Variants in EML2 observed in about 807,000 individuals in gnomAD.
EML2 encodes echinoderm microtubule-associated protein-like 2.
Under a neutral mutation model 84.7 loss-of-function variants are expected in EML2, and 59 were observed. That is an observed-to-expected ratio of 0.70 (90% CI 0.56 to 0.86). EML2 has a LOEUF of 0.86. Ranked by LOEUF, EML2 falls within the 40% of genes least tolerant of loss-of-function variation. EML2 has a pLI of 0.00. For missense variants in EML2, 818 were observed against 855.6 expected (o/e 0.96, Z 0.55); for synonymous variants, 352 against 348.9 (o/e 1.01, Z -0.10).
At chr19:45,609,849 G>A in intron 18 of EML2, 61 bp from the exon 19 acceptor site, 1 of 1,574,406 alleles carries the variant, frequency 6.4e-7, no homozygotes. Flanking sequence ...CCCCATCATG[G>A]TCCTCTTGTC....
intron 7 of EML2, among the ~76,000 whole-genome samples, chr19:45,627,560 C>A (rs1229223267): frequency 6.6e-6 from 1 of 152,100 alleles, no homozygotes; most frequent in South Asian, 2.1e-4. Context: ...TGGCCAGTAC[C>A]TTTCCTATAC....
In EML2 at chr19:45,621,529, C is replaced by T. The variant is rs758524341; in HGVS notation, c.950G>A (p.Arg317Gln). Reference protein sequence around the residue: ...TLVSGGGRDRRVVLWGSDYSK... With the variant: ...TLVSGGGRDRQVVLWGSDYSK... ...GTAGTCAGAACCCCAGAGGACCACC[C>T]GCCGATCACGGCCCCCTCCAGACAC... Residue 317 changes from arginine (R) to glutamine (Q), a missense_variant, in exon 10 of 19, where the codon CGG becomes CAG. By Grantham distance (43) the Arg-to-Gln change is conservative. Coordinates refer to ENST00000245925, the MANE Select transcript of EML2 (RefSeq NM_012155.4). 22 of 1,612,680 alleles carry T rather than the reference C, an allele frequency of 1.4e-5. No homozygotes were observed. The African/African-American group carries it at 1.6e-4, about 12-fold the overall frequency.
In EML2 at chr19:45,630,047, C is replaced by A; in HGVS notation, c.511-1G>T. 6.2e-7 allele frequency: 1 copy of A among 1,610,934 alleles called. No homozygotes were observed. Among genetic ancestry groups the A allele is most frequent in the Non-Finnish European group, 8.5e-7 (1 of 1,178,110 alleles). On this transcript the variant is annotated splice_acceptor_variant, in intron 6 of 18. Transcript: ENST00000245925. LOFTEE classifies it high-confidence loss of function. The stretch of plus-strand genomic sequence containing the variant: ...CTGCACACAGCAGGTTGCCTCCATT[C>A]TAAAGAGGAGGAGAGAGGAGGGGGA...
chr19:45,619,214 G>T (rs1057193673), intron 11 of EML2, 23 bp from the exon 12 acceptor site: 18 of 1,603,668 alleles, frequency 1.1e-5, no homozygotes, highest in Non-Finnish European at 1.5e-5. Flanking sequence ...GAGGACAGCA[G>T]GATGGAGACA....
chr19:45,622,362 A>T (rs571179982), intron 9 of EML2, among the ~76,000 whole-genome samples: 53 of 152,126 alleles, frequency 3.5e-4, no homozygotes, highest in Non-Finnish European at 6.9e-4. Context: ...CCTGCCATCC[A>T]TCCATCAACC....
chr19:45,639,866 C>T (rs1325567028), upstream of EML2, among the ~76,000 whole-genome samples: 2 of 151,958 alleles, frequency 1.3e-5, no homozygotes, highest in Non-Finnish European at 2.9e-5. Context: ...TGGTGGCTGG[C>T]GCCTGTAATC....
rs1970284071 is a variant in EML2 at position 45,609,712 on chromosome 19, A to C, written c.1901T>G (p.Leu634Arg). The change falls in exon 19 of 19, where the codon CTG becomes CGG. Residue 634 changes from leucine to arginine, a missense_variant. Transcript: ENST00000245925. ...ACTGGTGTCCTTGCCCCCTGTGGTC[A>C]GGGCCATGCTGTCATCCCACAAGAA... Reference protein sequence around the residue: ...VAFLWDDSMALTTGGKDTSVL... With the variant: ...VAFLWDDSMARTTGGKDTSVL... 6.2e-7 allele frequency: 1 copy of C among 1,613,524 alleles called. No individual in the cohort carries two copies. The highest frequency in any genetic ancestry group is 1.3e-5 in the African/African-American group (1 of 74,888).
chr19:45,614,753 A>G, intron 16 of EML2, 53 bp from the exon 17 acceptor site: 2 of 1,431,752 alleles, frequency 1.4e-6, no homozygotes, highest in Non-Finnish European at 2.0e-6. Context: ...TACCCAGTAA[A>G]CCCATCCCTT....
chr19:45,626,376 A>C (rs930584179), intron 8 of EML2, among the ~76,000 whole-genome samples: 27 of 122,576 alleles, frequency 2.2e-4, no homozygotes, highest in Admixed American at 6.9e-4. Context: ...TTGAATCCTC[A>C]CAACTTTTTT....
chr19:45,620,492 T>A (rs555329225), intron 11 of EML2, among the ~76,000 whole-genome samples: 1 of 152,100 alleles, frequency 6.6e-6, no homozygotes, highest in South Asian at 2.1e-4. Flanking sequence ...GTGGATCACT[T>A]GAGGTCAGGA....
intron 16 of EML2, 162 bp from the exon 17 acceptor site, chr19:45,614,862 G>A (rs890931617): frequency 4.0e-5 from 24 of 606,488 alleles, no homozygotes; most frequent in Admixed American, 8.3e-5. Context: ...ACATGCTGGG[G>A]TCTTCACAGC....
At chr19:45,614,037 T>C (rs559380521) in intron 17 of EML2, among the ~76,000 whole-genome samples, 51 of 152,352 alleles carry the variant, frequency 3.3e-4, no homozygotes, top group Admixed American at 6.5e-4. Context: ...TTGTATGTAC[T>C]ATTCCCTTTG....
At chr19:45,644,853 C>A, upstream of EML2, 2 of 453,094 alleles carry the variant, frequency 4.4e-6, no homozygotes, top group Non-Finnish European at 8.9e-6. Context: ...CCTTTCCAGT[C>A]CCACACTCTG....
chr19:45,635,792 A>T (rs1320801711), intron 3 of EML2, among the ~76,000 whole-genome samples: 2 of 151,074 alleles, frequency 1.3e-5, no homozygotes, highest in Non-Finnish European at 2.9e-5. Context: ...GGGTTTCTCC[A>T]TGTTGGTCAC....
At chr19:45,642,514 T>C, upstream of EML2, 1 of 1,417,930 alleles carries the variant, frequency 7.1e-7, no homozygotes. Flanking sequence ...AAGAGGACTC[T>C]GAAGGGGGAA....
At chr19:45,628,668 C>T (rs1972660697) in intron 7 of EML2, 1 of 151,884 alleles carries the variant, frequency 6.6e-6, no homozygotes, top group African/African-American at 2.4e-5. Context: ...ACTAAAAATA[C>T]AAAAATTAGC....
chr19:45,635,131 G>C (rs1235431319), intron 3 of EML2, among the ~76,000 whole-genome samples: 1 of 151,940 alleles, frequency 6.6e-6, no homozygotes, highest in Admixed American at 6.6e-5. Context: ...TTACAGGCGT[G>C]AGCCACCACG....
At chr19:45,645,015 T>C (rs1600261803), upstream of EML2, 3 of 555,554 alleles carry the variant, frequency 5.4e-6, no homozygotes, top group Non-Finnish European at 9.7e-6. Flanking sequence ...CAATCCCAGG[T>C]TCCTTCGGGT....
At chr19:45,632,468 C>T (rs994891368) in intron 6 of EML2, 3 of 189,550 alleles carry the variant, frequency 1.6e-5, no homozygotes, top group Non-Finnish European at 2.2e-5. Context: ...CACAAGCCAC[C>T]ATGCCCAGCC....
Sources: allele counts gnomAD v4.1 joint callset (sites outside exome capture counted in the v4.1 genomes callset), GRCh38; gene constraint gnomAD v4.1.1; transcripts MANE v1.5; gene names NCBI Gene and HGNC (gene_info 2026-07-23, HGNC 2026-07-21).